The following CNTFR variants were observed in gnomAD, a reference collection of about 807,000 sequenced individuals.
CNTFR encodes the protein ciliary neurotrophic factor receptor subunit alpha.
Under a neutral mutation model 40.4 loss-of-function variants are expected in CNTFR, and 12 were observed. The observed-to-expected ratio is 0.30, with a 90% confidence interval of 0.19 to 0.48. The LOEUF is 0.48. CNTFR is among the 20% of genes least tolerant of loss of function. The pLI, the probability that CNTFR is intolerant of heterozygous loss-of-function variation, is 0.99. For missense variants in CNTFR, 414 were observed against 506.8 expected, an observed-to-expected ratio of 0.82 and a Z score of 1.76; for synonymous variants, 202 against 209.6, an observed-to-expected ratio of 0.96 and a Z score of 0.31.
intron 7 of CNTFR, among the ~76,000 whole-genome samples, chr9:34,555,056 C>G (rs1825778759): frequency 6.6e-6 from 1 of 152,242 alleles, no homozygotes; most frequent in Admixed American, 6.5e-5. Flanking sequence ...TGTGCATGTT[C>G]CCGTGTGTGT....
chr9:34,561,968 T>C (rs1045161469), intron 4 of CNTFR, among the ~76,000 whole-genome samples: 2 of 152,246 alleles, frequency 1.3e-5, no homozygotes, highest in East Asian at 3.8e-4. Context: ...ATAAAAGGTC[T>C]GGGCCCTGGT....
Position 34,563,760 on chromosome 9 carries a change from C to T in CNTFR, c.319+839G>A, listed in dbSNP as rs1334806914. Among the ~76,000 whole-genome samples the T allele has an allele frequency of 5.9e-5, 9 of 152,308 alleles. No individual in the cohort carries two copies. The East Asian group carries it at 1.2e-3, about 20-fold the overall frequency. ...CTCCAATCCATCACCAATTCTTCGA[C>T]GTCCAACTGCGCCTTCTCAGCTTCC... On this transcript the variant is annotated intron_variant, in intron 4 of 9. Transcript: ENST00000378980.
intron 4 of CNTFR, among the ~76,000 whole-genome samples, chr9:34,561,899 G>T (rs1259536833): frequency 6.6e-6 from 1 of 152,212 alleles, no homozygotes; most frequent in African/African-American, 2.4e-5. Flanking sequence ...TAATGCTACA[G>T]CCAACTCATG....
At chr9:34,577,955 C>A (rs1489379920) in intron 2 of CNTFR, among the ~76,000 whole-genome samples, 2 of 149,424 alleles carry the variant, frequency 1.3e-5, no homozygotes, top group Non-Finnish European at 3.0e-5. Flanking sequence ...CGGGCGAGCG[C>A]GGGGCGGGGG....
intron 2 of CNTFR, among the ~76,000 whole-genome samples, chr9:34,578,610 C>A (rs764229494): frequency 1.2e-3 from 182 of 152,198 alleles, no homozygotes; most frequent in Admixed American, 1.9e-3. Context: ...CCCGGGGTGA[C>A]CGCCACACCT....
At chr9:34,584,111 A>G (rs1827444586) in intron 1 of CNTFR, among the ~76,000 whole-genome samples, 1 of 152,148 alleles carries the variant, frequency 6.6e-6, no homozygotes, top group Admixed American at 6.5e-5. Flanking sequence ...GTTTTTTGCC[A>G]CACTCTTATT....
chr9:34,557,684 G>A lies in CNTFR; in HGVS notation c.446C>T (p.Ser149Phe). 1 of 1,614,132 alleles carries A rather than the reference G, an allele frequency of 6.2e-7. No homozygotes were observed. The highest frequency in any genetic ancestry group is 8.5e-7 in the Non-Finnish European group (1 of 1,180,002). ...NTFNVTVLHG[S>F]KIMVCEKDPA... ...GTCCTTCTCACAGACCATAATTTTG[G>A]AGCCATGCCTGGGGAGAGGTGAGAC... The change falls in exon 6 of 10, where the codon TCC (serine) becomes TTC (phenylalanine). Residue 149 changes from serine (S) to phenylalanine (F), a missense_variant. Physicochemically the swap from Ser to Phe is radical, Grantham distance 155. This residue lies in a region of CNTFR where 250 missense variants were observed against 269.5 expected (regional missense o/e 0.93). Coordinates refer to ENST00000378980, the MANE Select transcript of CNTFR (RefSeq NM_147164.3). This position sits in a 1 kb window ranked among gnomAD's most constrained non-coding sequence, Gnocchi z 4.2.
In CNTFR at chr9:34,557,602, C is replaced by T; in HGVS notation, c.528G>A (p.Lys176=). 1.2e-6 allele frequency: 2 copies of T among 1,614,198 alleles called. No individual in the cohort carries two copies. The highest frequency in any genetic ancestry group is 1.7e-6 in the Non-Finnish European group (2 of 1,180,038). ...IRYMHLFSTI[K]YKVSISVSNA... ...TGCTGACACTTATGGAGACCTTGTA[C>T]TTGATGGTGGAGAACAGGTGCATGT... Residue 176 remains lysine (K), a synonymous_variant, in exon 6 of 10, where the codon AAG becomes AAA. Coordinates refer to ENST00000378980, the MANE Select transcript of CNTFR (RefSeq NM_147164.3). This position sits in a 1 kb window ranked among gnomAD's most constrained non-coding sequence, Gnocchi z 4.2.
intron 7 of CNTFR, among the ~76,000 whole-genome samples, chr9:34,555,228 T>A (rs1438364639): frequency 1.3e-5 from 2 of 152,214 alleles, no homozygotes; most frequent in East Asian, 3.8e-4. Flanking sequence ...GACTCCGGAC[T>A]CTGTCAGGGA....
At chr9:34,553,997 T>C in intron 7 of CNTFR, among the ~76,000 whole-genome samples, 1 of 151,958 alleles carries the variant, frequency 6.6e-6, no homozygotes, top group African/African-American at 2.4e-5. Context: ...TGTCTGGGCA[T>C]GTGCGGTGGG....
intron 1 of CNTFR, among the ~76,000 whole-genome samples, chr9:34,581,839 A>C (rs1827302994): frequency 6.6e-6 from 1 of 152,112 alleles, no homozygotes; most frequent in Non-Finnish European, 1.5e-5. Context: ...CTGCTATACC[A>C]ATTTGCCTGT....
intron 2 of CNTFR, among the ~76,000 whole-genome samples, chr9:34,571,050 G>A (rs1427627412): frequency 1.3e-5 from 2 of 152,118 alleles, no homozygotes; most frequent in African/African-American, 2.4e-5. Context: ...TTGCGCATCA[G>A]TGACTCCTGG....
chr9:34,566,837 C>T (rs948872610), intron 3 of CNTFR, among the ~76,000 whole-genome samples: 7 of 152,194 alleles, frequency 4.6e-5, no homozygotes, highest in Non-Finnish European at 1.0e-4. Flanking sequence ...TGGGATAACA[C>T]CTCCCCACCA....
At chr9:34,568,008 C>A (rs547999230) in intron 3 of CNTFR, 1 of 152,376 alleles carries the variant, frequency 6.6e-6, no homozygotes, top group African/African-American at 2.4e-5. Context: ...CTACCCACAG[C>A]CTTGAGGGTG....
At chr9:34,558,573 CTA>C (rs943061582) in intron 4 of CNTFR, among the ~76,000 whole-genome samples, 12 of 152,274 alleles carry the variant, frequency 7.9e-5, no homozygotes, top group African/African-American at 2.9e-4. Context: ...ATGCATGTCT[CTA>C]TGTGACATGA....
At chr9:34,561,811 G>A (rs1826089144) in intron 4 of CNTFR, among the ~76,000 whole-genome samples, 1 of 152,216 alleles carries the variant, frequency 6.6e-6, no homozygotes, top group African/African-American at 2.4e-5. Flanking sequence ...TGACTGAGAC[G>A]ATAATGATTA....
At chr9:34,558,785 A>C (rs1464822166) in intron 4 of CNTFR, among the ~76,000 whole-genome samples, 2 of 152,008 alleles carry the variant, frequency 1.3e-5, no homozygotes, top group Non-Finnish European at 2.9e-5. Context: ...AGCTGCCCTC[A>C]CTCTGGAATA....
intron 2 of CNTFR, among the ~76,000 whole-genome samples, chr9:34,570,544 G>A (rs975057317): frequency 6.6e-6 from 1 of 152,128 alleles, no homozygotes; most frequent in African/African-American, 2.4e-5. Context: ...GCAAACAGGC[G>A]TACACCCAGA....
At chr9:34,587,746 G>A (rs188876147) in intron 1 of CNTFR, among the ~76,000 whole-genome samples, 125 of 152,290 alleles carry the variant, frequency 8.2e-4, no homozygotes, top group African/African-American at 2.9e-3. Context: ...GAGCATGAGG[G>A]TCTTTGTGTG....
Sources: gnomAD v4.1 joint callset for allele counts (sites outside exome capture counted in the v4.1 genomes callset) on GRCh38, gnomAD v4.1.1 for gene constraint, gnomAD v4.1.1 regional missense constraint, Gnocchi (gnomAD v3.1) non-coding constraint, MANE v1.5 for transcripts, NCBI Gene and HGNC (gene_info 2026-07-23, HGNC 2026-07-21) for gene names.